Variants in MMUT observed in about 807,000 individuals in gnomAD.
The protein encoded by MMUT is methylmalonyl-CoA mutase.
Under a neutral mutation model 79.9 loss-of-function variants are expected in MMUT, and 79 were observed. The observed-to-expected ratio is 0.99, with a 90% confidence interval of 0.82 to 1.19. The LOEUF is 1.19. Ranked by LOEUF, MMUT falls within the 50% of genes most tolerant of loss-of-function variation. MMUT has a pLI of 0.00. For synonymous variants in MMUT, 273 were observed against 295.7 expected (o/e 0.92, Z 0.79); for missense variants, 860 against 917.2 (o/e 0.94, Z 0.81).
At chr6:49,442,049 A>C in intron 9 of MMUT, 78 bp from the exon 10 acceptor site, 1 of 1,424,414 alleles carries the variant, frequency 7.0e-7, no homozygotes, top group Non-Finnish European at 9.8e-7. Context: ...ATTCAATATA[A>C]TTAAACATTT....
chr6:49,451,452 G>C lies in MMUT; in HGVS notation c.1332+14C>G. 6.2e-7 allele frequency: 1 copy of C among 1,613,552 alleles called. No homozygotes were observed. The highest frequency in any genetic ancestry group is 8.5e-7 in the Non-Finnish European group (1 of 1,179,698). The stretch of plus-strand genomic sequence containing the variant: ...TAAATTCTGAAAACAAAGTTGCAAA[G>C]TGGAAAAACTTACCTTTAAAGCAGC... On this transcript the variant is annotated intron_variant, in intron 6 of 12. Coordinates refer to ENST00000274813, the MANE Select transcript of MMUT (RefSeq NM_000255.4).
At chr6:49,433,289 C>T (rs953764460) in intron 12 of MMUT, among the ~76,000 whole-genome samples, 2 of 152,140 alleles carry the variant, frequency 1.3e-5, no homozygotes, top group South Asian at 4.1e-4. Flanking sequence ...TTTGTCCTGA[C>T]ATCTGAGTTA....
intron 11 of MMUT, among the ~76,000 whole-genome samples, chr6:49,439,973 C>T (rs941030623): frequency 6.6e-6 from 1 of 152,148 alleles, no homozygotes; most frequent in Non-Finnish European, 1.5e-5. Flanking sequence ...GTTAATAAAC[C>T]CCTGCAGTAG....
intron 6 of MMUT, among the ~76,000 whole-genome samples, chr6:49,449,251 A>G (rs1381787461): frequency 6.6e-6 from 1 of 152,148 alleles, no homozygotes; most frequent in Non-Finnish European, 1.5e-5. Context: ...AGTCTGTAAG[A>G]AAAATATATT....
rs2127417200 is a variant in MMUT, at chr6:49,448,925, G to A, written c.1335C>T (p.Leu445=). 1 of 1,595,706 alleles carries A rather than the reference G, an allele frequency of 6.3e-7. No individual in the cohort carries two copies. Among genetic ancestry groups the A allele is most frequent in the Non-Finnish European group, 8.6e-7 (1 of 1,163,712 alleles). The change falls in exon 7 of 13, where the codon CTC becomes CTT. Residue 445 remains leucine, a splice_region_variant and synonymous_variant. Transcript: ENST00000274813. ...CACCCATTTCTTCAATTTCATTAAT[G>A]AGCTAAAAAGAAAAACATTAACAAA... is the stretch of plus-strand genomic sequence containing the variant. ...TNDVYDAALK[L]INEIEEMGGM...
chr6:49,462,719 C>G (rs1485832713), intron 1 of MMUT, among the ~76,000 whole-genome samples: 1 of 152,126 alleles, frequency 6.6e-6, no homozygotes, highest in Non-Finnish European at 1.5e-5. Flanking sequence ...AATAACATAA[C>G]CCACAACCTA....
At position 49,459,153 on chromosome 6, in the gene MMUT, C is replaced by A; in HGVS notation, c.314G>T (p.Trp105Leu). Residue 105 changes from tryptophan (W) to leucine (L), a missense_variant, in exon 2 of 13, where the codon TGG becomes TTG. By Grantham distance (61) the Trp-to-Leu change is moderately conservative. Transcript: ENST00000274813. ...AAAACCAGCATACTGGCGGATGGTC[C>A]AGGGCCTAAAGGTATACATGGTAGG... ...PYPTMYTFRP[W>L]TIRQYAGFST... 1 of 1,614,140 alleles carries A rather than the reference C, an allele frequency of 6.2e-7. No homozygotes were observed. Among genetic ancestry groups the A allele is most frequent in the Non-Finnish European group, 8.5e-7 (1 of 1,180,008 alleles).
chr6:49,453,859 T>G, intron 4 of MMUT, 103 bp from the exon 5 acceptor site: 5 of 1,006,544 alleles, frequency 5.0e-6, no homozygotes, highest in Non-Finnish European at 6.0e-6. Flanking sequence ...GTCTATATTT[T>G]AATTTCGAAG....
chr6:49,449,218 A>G (rs1259770612), intron 6 of MMUT, among the ~76,000 whole-genome samples: 1 of 152,156 alleles, frequency 6.6e-6, no homozygotes, highest in East Asian at 1.9e-4. Flanking sequence ...TTTTAGGTAC[A>G]TAAAGTTTTC....
chr6:49,436,931 C>G (rs942873459), intron 11 of MMUT, among the ~76,000 whole-genome samples: 1 of 151,970 alleles, frequency 6.6e-6, no homozygotes, highest in Non-Finnish European at 1.5e-5. Flanking sequence ...ACAACACACA[C>G]TGGGGCCTAT....
At position 49,431,454 on chromosome 6, in the gene MMUT, T is replaced by G; in HGVS notation, c.*274A>C. The G allele has an allele frequency of 4.4e-6, 1 of 225,088 alleles. No individual in the cohort carries two copies. The highest frequency in any genetic ancestry group is 8.9e-6 in the Non-Finnish European group (1 of 112,820). The allele number at this position is 225,088 out of a possible 1,614,324, so 13.9% of individuals were successfully genotyped here. ...ATTCTAATAAATACATCACCATGAT[T>G]TTTAAAAATAATACCATTGTCCAGA... On this transcript the variant is annotated 3_prime_UTR_variant, in exon 13 of 13. Transcript: ENST00000274813.
chr6:49,434,625 T>C (rs1767076939), intron 12 of MMUT, among the ~76,000 whole-genome samples: 1 of 152,190 alleles, frequency 6.6e-6, no homozygotes, highest in South Asian at 2.1e-4. Context: ...AATTGAGAAC[T>C]GGATTGGAAA....
intron 9 of MMUT, 64 bp from the exon 10 acceptor site, chr6:49,442,035 T>C (rs902868150): frequency 4.7e-6 from 7 of 1,474,272 alleles, no homozygotes; most frequent in African/African-American, 2.8e-5. Flanking sequence ...CTGTTTACCA[T>C]AATATTCAAT....
intron 6 of MMUT, among the ~76,000 whole-genome samples, chr6:49,450,124 G>A (rs543779626): frequency 8.4e-4 from 128 of 151,640 alleles, no homozygotes; most frequent in Non-Finnish European, 1.5e-3. Context: ...CCAGCTACTC[G>A]GGAGGCTGAG....
chr6:49,434,845 C>A (rs1767081595), intron 12 of MMUT, among the ~76,000 whole-genome samples: 1 of 152,082 alleles, frequency 6.6e-6, no homozygotes, highest in Non-Finnish European at 1.5e-5. Context: ...CCATTTATGT[C>A]TGCAATAGGA....
In MMUT at chr6:49,459,358, G is replaced by A. The variant is rs1487859107; in HGVS notation, c.109C>T (p.Gln37Ter). 4 of 1,613,864 alleles carry A rather than the reference G, an allele frequency of 2.5e-6. No individual in the cohort carries two copies. Among genetic ancestry groups the A allele is most frequent in the African/African-American group, 1.3e-5 (1 of 74,858 alleles). Residue 37 changes from glutamine (Q) to a stop codon, truncating the protein, a stop_gained, in exon 2 of 13, where the codon CAG (glutamine) becomes TAG (stop). Coordinates refer to ENST00000274813, the MANE Select transcript of MMUT (RefSeq NM_000255.4). LOFTEE classifies it high-confidence loss of function. ...LIQQRLLHQQQPLHPEWAALA... is the reference protein window; with the variant it reads ...LIQQRLLHQQ ...GCAGCCCATTCTGGGTGAAGGGGCT[G>A]TTGCTGGTGTAGAAGTCGTTGCTGT...
chr6:49,448,319 T>A (rs1393113817), intron 7 of MMUT, among the ~76,000 whole-genome samples: 2 of 152,046 alleles, frequency 1.3e-5, no homozygotes, highest in African/African-American at 4.8e-5. Context: ...CCTTCATATT[T>A]CCTTCATAGC....
chr6:49,458,550 T>C (rs776504077), intron 2 of MMUT, among the ~76,000 whole-genome samples: 8 of 152,234 alleles, frequency 5.3e-5, no homozygotes, highest in East Asian at 3.8e-4. Flanking sequence ...AAATAGTCTA[T>C]ACTAAATGTA....
In MMUT at chr6:49,459,221, A is replaced by G. The variant is rs1186375811; in HGVS notation, c.246T>C (p.Pro82=). ...ATGGCTTCACTCCTGGAAGTTCTTCAGGTAAGTCCATAGTATCTCTCTTGG... is the reference window on the plus strand; with the variant it reads ...ATGGCTTCACTCCTGGAAGTTCTTCGGGTAAGTCCATAGTATCTCTCTTGG... ...LYSKRDTMDL[P]EELPGVKPFT... The change falls in exon 2 of 13, where the codon CCT becomes CCC. Residue 82 remains proline (P), a synonymous_variant. Transcript: ENST00000274813. 2 of 1,614,186 alleles carry G rather than the reference A, an allele frequency of 1.2e-6. No individual in the cohort carries two copies. The highest frequency in any genetic ancestry group is 1.3e-5 in the African/African-American group (1 of 75,050).
Sources: allele counts gnomAD v4.1 joint callset (sites outside exome capture counted in the v4.1 genomes callset), GRCh38; gene constraint gnomAD v4.1.1; transcripts MANE v1.5; gene names NCBI Gene and HGNC (gene_info 2026-07-23, HGNC 2026-07-21).